Variants in MKX observed in about 807,000 individuals in gnomAD.
MKX encodes mohawk homeobox, also known as homeobox protein Mohawk.
A neutral mutation model predicts 36.0 loss-of-function variants in MKX; 13 were observed. The ratio of observed to expected loss-of-function variants is 0.36; its 90% confidence interval spans 0.24 to 0.57. The LOEUF is 0.57. Ranked by LOEUF, MKX falls within the 20% of genes least tolerant of loss-of-function variation. The pLI is 0.79. For synonymous variants in MKX, 176 were observed against 178.3 expected, an observed-to-expected ratio of 0.99 and a Z score of 0.10; for missense variants, 458 against 456.4, an observed-to-expected ratio of 1.00 and a Z score of -0.03.
At position 27,675,414 on chromosome 10, in the gene MKX, C is replaced by G; in HGVS notation, c.874G>C (p.Ala292Pro). 6.2e-7 allele frequency: 1 copy of G among 1,614,104 alleles called. No individual in the cohort carries two copies. The highest frequency in any genetic ancestry group is 8.5e-7 in the Non-Finnish European group (1 of 1,180,030). ...LENGSNKGESAANRKGPSKDD... is the reference protein window; with the variant it reads ...LENGSNKGESPANRKGPSKDD... Reference sequence around the variant, plus strand: ...TTGCTTGGTCCTTTTCTGTTAGCTGCGCTGGAGTTAAGCAAAACAGAAAGT... The same window carrying G: ...TTGCTTGGTCCTTTTCTGTTAGCTGGGCTGGAGTTAAGCAAAACAGAAAGT... Residue 292 changes from alanine (A) to proline (P), a missense_variant and splice_region_variant, in exon 7 of 7, where the codon GCA (alanine) becomes CCA (proline). This residue lies in a region of MKX where 297 missense variants were observed against 304.4 expected (regional missense o/e 0.98). Coordinates refer to ENST00000419761, the MANE Select transcript of MKX (RefSeq NM_173576.3).
intron 5 of MKX, among the ~76,000 whole-genome samples, chr10:27,719,848 C>T (rs138603843): frequency 6.6e-6 from 1 of 151,618 alleles, no homozygotes; most frequent in Non-Finnish European, 1.5e-5. Flanking sequence ...ATTAGCTGGG[C>T]ATGGTGGCAC....
intron 5 of MKX, among the ~76,000 whole-genome samples, chr10:27,684,445 A>G (rs554756179): frequency 1.3e-5 from 2 of 152,204 alleles, no homozygotes; most frequent in Non-Finnish European, 2.9e-5. Context: ...TGTAAAATAG[A>G]AAATAAGGGG....
Position 27,674,086 on chromosome 10 carries a change from T to C in MKX, c.*1143A>G, listed in dbSNP as rs1231229174. ...GATATTGATTATTCTCACTCAATGG[T>C]AGACTAATTTAGAAACAAAATGTTT... is the stretch of plus-strand genomic sequence containing the variant. On this transcript the variant is annotated 3_prime_UTR_variant, in exon 7 of 7. Coordinates refer to ENST00000419761, the MANE Select transcript of MKX (RefSeq NM_173576.3). The C allele has an allele frequency of 6.6e-6, 1 of 152,222 alleles. No individual in the cohort carries two copies. The highest frequency in any genetic ancestry group is 1.5e-5 in the Non-Finnish European group (1 of 68,024). The allele number at this position is 152,222 out of a possible 1,614,324, so 9.4% of individuals were successfully genotyped here. A position where few individuals can be genotyped will look rare whatever the true frequency, so the allele number is the denominator to read the frequency against.
chr10:27,680,001 G>A (rs939786597), intron 5 of MKX, among the ~76,000 whole-genome samples: 14 of 152,084 alleles, frequency 9.2e-5, no homozygotes, highest in African/African-American at 3.4e-4. Context: ...TGGTCTCACC[G>A]GCTCCACTCG....
intron 5 of MKX, among the ~76,000 whole-genome samples, chr10:27,700,225 G>C (rs1836626898): frequency 6.6e-6 from 1 of 152,196 alleles, no homozygotes; most frequent in Admixed American, 6.5e-5. Flanking sequence ...ACTTTGGAAG[G>C]TGTGGAGTAG....
At chr10:27,693,751 G>A (rs761311529) in intron 5 of MKX, among the ~76,000 whole-genome samples, 2 of 152,194 alleles carry the variant, frequency 1.3e-5, no homozygotes, top group South Asian at 2.1e-4. Flanking sequence ...AATACTTCTG[G>A]GGGATTAAAA....
chr10:27,716,285 G>T (rs1836961921), intron 5 of MKX, among the ~76,000 whole-genome samples: 1 of 151,958 alleles, frequency 6.6e-6, no homozygotes, highest in Non-Finnish European at 1.5e-5. Flanking sequence ...AATCTAGCCA[G>T]CTACCTTAGA....
chr10:27,702,058 T>C (rs1462260307), intron 5 of MKX, among the ~76,000 whole-genome samples: 1 of 152,114 alleles, frequency 6.6e-6, no homozygotes, highest in Non-Finnish European at 1.5e-5. Context: ...AAAACTGATC[T>C]CCACTCCTTC....
chr10:27,704,926 G>A (rs945624620), intron 5 of MKX, among the ~76,000 whole-genome samples: 1 of 151,990 alleles, frequency 6.6e-6, no homozygotes, highest in Non-Finnish European at 1.5e-5. Context: ...ACTAATTTGG[G>A]CAAAATATTT....
At chr10:27,743,109 A>T in intron 2 of MKX, 119 bp downstream of exon 2, 1 of 994,840 alleles carries the variant, frequency 1.0e-6, no homozygotes, top group South Asian at 2.3e-5. Flanking sequence ...CTGCACTCCC[A>T]GGGAACTCCG....
At chr10:27,698,570 G>A (rs558014116) in intron 5 of MKX, among the ~76,000 whole-genome samples, 1 of 152,062 alleles carries the variant, frequency 6.6e-6, no homozygotes, top group Non-Finnish European at 1.5e-5. Context: ...CTGGGTGGTC[G>A]GCAACGGCAT....
At chr10:27,738,430 T>C (rs958858268) in intron 3 of MKX, among the ~76,000 whole-genome samples, 1 of 152,106 alleles carries the variant, frequency 6.6e-6, no homozygotes. Context: ...TTGTCGTTCA[T>C]ATTCTCTTCA....
chr10:27,720,813 A>G (rs1834359241), intron 5 of MKX, among the ~76,000 whole-genome samples: 1 of 152,160 alleles, frequency 6.6e-6, no homozygotes, highest in South Asian at 2.1e-4. Context: ...AAGGAAGGGA[A>G]AGAGAAGGAG....
At position 27,673,309 on chromosome 10, in the gene MKX, T is replaced by A. The variant is rs968709319; in HGVS notation, c.*1920A>T. The A allele has an allele frequency of 6.6e-6, 1 of 152,572 alleles. No homozygotes were observed. Among genetic ancestry groups the A allele is most frequent in the African/African-American group, 2.4e-5 (1 of 41,460 alleles). 9.5% of individuals were successfully genotyped at this position (152,572 alleles called of 1,614,324 possible). A position where few individuals can be genotyped will look rare whatever the true frequency, so the allele number is the denominator to read the frequency against. ...TTAAAAAGATGGCAAACATGAATCA[T>A]GACTCATTCAAATAAAATACAACCA... On this transcript the variant is annotated 3_prime_UTR_variant, in exon 7 of 7. Transcript: ENST00000419761.
rs200255878 is a variant in MKX, at chr10:27,701,829, A to G, written c.839-26275T>C. ...AGTTATTTTGTGTGTGTGTGTGTGT[A>G]TATATATATATATATATACACAAAG... On this transcript the variant is annotated intron_variant, in intron 5 of 6. Transcript: ENST00000419761. 3.9e-3 allele frequency among the ~76,000 whole-genome samples: 15 copies of G among 3,830 alleles called. No homozygotes were observed. The East Asian group carries it at 0.088, about 23-fold the overall frequency. 2.5% of individuals were successfully genotyped at this position (3,830 alleles called of 152,430 possible).
At chr10:27,739,498 T>G (rs1164279479) in intron 3 of MKX, among the ~76,000 whole-genome samples, 1 of 152,148 alleles carries the variant, frequency 6.6e-6, no homozygotes, top group Non-Finnish European at 1.5e-5. Flanking sequence ...ATGTAAAGCA[T>G]ATTTTAAAAA....
intron 5 of MKX, among the ~76,000 whole-genome samples, chr10:27,730,044 C>T (rs896947287): frequency 6.6e-5 from 10 of 151,948 alleles, no homozygotes; most frequent in African/African-American, 1.5e-4. Flanking sequence ...AATTACCATT[C>T]GCTAAGCTCA....
intron 5 of MKX, among the ~76,000 whole-genome samples, chr10:27,691,411 G>A (rs1048339049): frequency 1.3e-5 from 2 of 152,106 alleles, no homozygotes; most frequent in African/African-American, 4.8e-5. Flanking sequence ...AATTCCTGGT[G>A]TTCACTACGG....
At chr10:27,680,383 A>AAAAAAAAAAAAG (rs1554768913) in intron 5 of MKX, among the ~76,000 whole-genome samples, 45 of 142,906 alleles carry the variant, frequency 3.1e-4, no homozygotes, top group Non-Finnish European at 3.6e-4. Flanking sequence ...AAAAAAAAAA[A>AAAAAAAAAAAAG]AGGTGTGTAG....
Sources: gnomAD v4.1 joint callset for allele counts (sites outside exome capture counted in the v4.1 genomes callset) on GRCh38, gnomAD v4.1.1 for gene constraint, gnomAD v4.1.1 regional missense constraint, MANE v1.5 for transcripts, NCBI Gene and HGNC (gene_info 2026-07-23, HGNC 2026-07-21) for gene names.